Variants in METTL9 observed in about 807,000 individuals in gnomAD.
METTL9 encodes the protein protein-L-histidine N-pros-methyltransferase.
A neutral mutation model predicts 36.0 loss-of-function variants in METTL9; 10 were observed. The observed-to-expected ratio is 0.28, with a 90% confidence interval of 0.17 to 0.47. The LOEUF is 0.47. Among genes scored for constraint, METTL9 ranks in the 20% least tolerant of loss-of-function variants. The pLI is 0.99. For synonymous variants in METTL9, 175 were observed against 149.7 expected, an observed-to-expected ratio of 1.17 and a Z score of -1.23; for missense variants, 246 against 383.5, an observed-to-expected ratio of 0.64 and a Z score of 3.00.
intron 1 of METTL9, among the ~76,000 whole-genome samples, chr16:21,604,340 C>G (rs1965217175): frequency 6.6e-6 from 1 of 152,040 alleles, no homozygotes; most frequent in Non-Finnish European, 1.5e-5. Flanking sequence ...TTGAAGGTGC[C>G]CTAGAAGACC....
chr16:21,640,156 T>C (rs915132270), intron 4 of METTL9: 3 of 151,854 alleles, frequency 2.0e-5, no homozygotes, highest in Non-Finnish European at 2.9e-5. Flanking sequence ...TTCAGGCTGG[T>C]CTCGAACTCC....
chr16:21,631,918 C>T (rs994580933), intron 4 of METTL9, among the ~76,000 whole-genome samples: 2 of 152,190 alleles, frequency 1.3e-5, no homozygotes, highest in Admixed American at 1.3e-4. Flanking sequence ...TTCTCTTTGA[C>T]TTTTTCTTTG....
intron 2 of METTL9, among the ~76,000 whole-genome samples, chr16:21,613,709 T>C (rs1049485720): frequency 1.3e-5 from 2 of 152,120 alleles, no homozygotes; most frequent in Admixed American, 6.5e-5. Context: ...GAGTGAAGAG[T>C]CCTGCATCTG....
chr16:21,617,838 TC>T lies in METTL9; in HGVS notation c.357-25del, dbSNP rs1567330823. 2.5e-6 allele frequency: 4 copies of T among 1,600,686 alleles called. No homozygotes were observed. The Admixed American group carries it at 6.7e-5, about 27-fold the overall frequency. On this transcript the variant is annotated intron_variant, in intron 2 of 4. Coordinates refer to ENST00000358154, the MANE Select transcript of METTL9 (RefSeq NM_016025.5). Reference sequence around the variant, plus strand: ...GGGGTGCTTAATTTGCATAGACACTTCCATTTTTGTCCTTTTTTTCTTTCAG... The same window carrying T: ...GGGGTGCTTAATTTGCATAGACACTTCATTTTTGTCCTTTTTTTCTTTCAG...
intron 4 of METTL9, among the ~76,000 whole-genome samples, chr16:21,636,119 G>A (rs896287161): frequency 3.3e-5 from 5 of 152,284 alleles, no homozygotes; most frequent in Non-Finnish European, 7.4e-5. Context: ...AAAATGAAGT[G>A]GAGGGCCATA....
chr16:21,609,469 G>A (rs1965374714), intron 1 of METTL9, among the ~76,000 whole-genome samples: 1 of 152,192 alleles, frequency 6.6e-6, no homozygotes, highest in South Asian at 2.1e-4. Context: ...TGGGATGTAT[G>A]AAAGGGTATT....
At position 21,637,536 on chromosome 16, in the gene METTL9, C is replaced by T. The variant is rs117853959; in HGVS notation, c.751+12421C>T. Among the ~76,000 whole-genome samples the T allele has an allele frequency of 8.8e-3, 1,347 of 152,350 alleles. 47 individuals carry two copies. The highest frequency in any genetic ancestry group is 0.083 in the East Asian group (430 of 5,186). On this transcript the variant is annotated intron_variant, in intron 4 of 4. Transcript: ENST00000358154. ...TCCCCACCCGACTCAGAAGCCCAGC[C>T]AGCTTCACCTCTCAATGGCACTGGC... is the stretch of plus-strand genomic sequence containing the variant.
chr16:21,615,438 C>G (rs1206880886), intron 2 of METTL9, among the ~76,000 whole-genome samples: 2 of 152,064 alleles, frequency 1.3e-5, no homozygotes, highest in Non-Finnish European at 2.9e-5. Flanking sequence ...CCATGTTGCC[C>G]AGCTGGTCTC....
At chr16:21,600,449 T>C (rs953642268) in intron 1 of METTL9, among the ~76,000 whole-genome samples, 11 of 152,174 alleles carry the variant, frequency 7.2e-5, no homozygotes, top group Admixed American at 6.5e-4. Flanking sequence ...CCTAAGCACT[T>C]AAAAAATGGG....
chr16:21,651,619 G>A (rs1027891404), intron 4 of METTL9, among the ~76,000 whole-genome samples: 1 of 152,044 alleles, frequency 6.6e-6, no homozygotes, highest in African/African-American at 2.4e-5. Context: ...TATTATATTA[G>A]ATTTCAAATT....
At chr16:21,639,263 C>T (rs534872826) in intron 4 of METTL9, among the ~76,000 whole-genome samples, 17 of 151,862 alleles carry the variant, frequency 1.1e-4, no homozygotes, top group South Asian at 2.1e-4. Context: ...CTTTGAAACA[C>T]GGTCCTTGCT....
chr16:21,648,978 TTTTTTGTTTTTGTTTTCA>T (rs1241320155), intron 4 of METTL9, among the ~76,000 whole-genome samples: 3 of 152,086 alleles, frequency 2.0e-5, no homozygotes, highest in Non-Finnish European at 4.4e-5. Context: ...CTCACCATGT[TTTTTTGTTTTTGTTTTCA>T]TTTTTGTTAT....
At chr16:21,599,526 T>C (rs1358057454), upstream of METTL9, 1 of 1,265,058 alleles carries the variant, frequency 7.9e-7, no homozygotes, top group East Asian at 3.5e-5. This position sits in a 1 kb window ranked among gnomAD's most constrained non-coding sequence, Gnocchi z 4.4. Context: ...GCAGCGGCGT[T>C]CCGCGGCCGG....
At chr16:21,601,211 C>T (rs1474807498) in intron 1 of METTL9, among the ~76,000 whole-genome samples, 1 of 152,074 alleles carries the variant, frequency 6.6e-6, no homozygotes, top group African/African-American at 2.4e-5. Context: ...ACTTAAATTG[C>T]AAAACCACAT....
At position 21,599,771 on chromosome 16, in the gene METTL9, C is replaced by A. The variant is rs1230821242; in HGVS notation, c.38C>A (p.Ala13Glu). Residue 13 changes from alanine (A) to glutamate (E), a missense_variant, in exon 1 of 5, where the codon GCG becomes GAG. By Grantham distance (107) the Ala-to-Glu change is moderately radical. Around this residue, in one of 2 missense-constraint regions of METTL9, gnomAD observed 100 missense variants for 81.4 expected, o/e 1.23. Coordinates refer to ENST00000358154, the MANE Select transcript of METTL9 (RefSeq NM_016025.5). This position sits in a 1 kb window ranked among gnomAD's most constrained non-coding sequence, Gnocchi z 4.4. ...LLAGWLCLSL[A>E]SVWLARRMWT... ...GCGGGCTGGCTGTGCCTGAGCCTGGCGTCCGTGTGGCTGGCGCGGAGGATG... is the reference window on the plus strand; with the variant it reads ...GCGGGCTGGCTGTGCCTGAGCCTGGAGTCCGTGTGGCTGGCGCGGAGGATG... 2 of 1,542,866 alleles carry A rather than the reference C, an allele frequency of 1.3e-6. No homozygotes were observed. Among genetic ancestry groups the A allele is most frequent in the South Asian group, 1.2e-5 (1 of 83,868 alleles).
chr16:21,641,472 T>C lies in METTL9; in HGVS notation c.752-13755T>C. 4 of 952,218 alleles carry C rather than the reference T, an allele frequency of 4.2e-6. No homozygotes were observed. The South Asian group carries it at 5.9e-5, about 14-fold the overall frequency. 59.0% of individuals were successfully genotyped at this position (952,218 alleles called of 1,614,324 possible). On this transcript the variant is annotated intron_variant, in intron 4 of 4. Coordinates refer to ENST00000358154, the MANE Select transcript of METTL9 (RefSeq NM_016025.5). ...TTTAAGACCTGATGATATATGTTCA[T>C]TAACACTGCCATAGCTCCTGGAGTT... is the stretch of plus-strand genomic sequence containing the variant.
chr16:21,611,561 A>G (rs1965425429), intron 1 of METTL9, among the ~76,000 whole-genome samples: 1 of 152,200 alleles, frequency 6.6e-6, no homozygotes, highest in South Asian at 2.1e-4. Flanking sequence ...TTCTCAGGCT[A>G]TGTTAGAGGA....
At chr16:21,606,293 C>T (rs188916695) in intron 1 of METTL9, among the ~76,000 whole-genome samples, 3 of 152,126 alleles carry the variant, frequency 2.0e-5, no homozygotes, top group East Asian at 1.9e-4. Flanking sequence ...GCTGAGATTG[C>T]GCCACTGCAC....
rs759776592 is a variant in METTL9 at position 21,624,506 on chromosome 16, C to T, written c.567-425C>T. 6.6e-5 allele frequency among the ~76,000 whole-genome samples: 10 copies of T among 152,076 alleles called. 1 individual carries two copies. The highest frequency in any genetic ancestry group is 2.6e-4 in the Admixed American group (4 of 15,248). ...CTTTGGGAGGCCGAGGCAGTCGGATCGCTTGAGGTGAGGAGTTCAAGATCA... is the reference window on the plus strand; with the variant it reads ...CTTTGGGAGGCCGAGGCAGTCGGATTGCTTGAGGTGAGGAGTTCAAGATCA... On this transcript the variant is annotated intron_variant, in intron 3 of 4. Coordinates refer to ENST00000358154, the MANE Select transcript of METTL9 (RefSeq NM_016025.5).
Sources: gnomAD v4.1 joint callset for allele counts (sites outside exome capture counted in the v4.1 genomes callset) on GRCh38, gnomAD v4.1.1 for gene constraint, gnomAD v4.1.1 regional missense constraint, Gnocchi (gnomAD v3.1) non-coding constraint, MANE v1.5 for transcripts, NCBI Gene and HGNC (gene_info 2026-07-23, HGNC 2026-07-21) for gene names.